The following SCAPER variants were observed in gnomAD, a reference collection of about 807,000 sequenced individuals.
The protein encoded by SCAPER is S phase cyclin A-associated protein in the endoplasmic reticulum.
SCAPER carries 98 observed loss-of-function variants against 182.2 expected under a neutral mutation model. That is an observed-to-expected ratio of 0.54 (90% CI 0.46 to 0.64). SCAPER has a LOEUF of 0.64. Ranked by LOEUF, SCAPER falls within the 30% of genes least tolerant of loss-of-function variation. The pLI is 0.00. For missense variants in SCAPER, 1,432 were observed against 1,690.0 expected, an observed-to-expected ratio of 0.85 and a Z score of 2.68; for synonymous variants, 605 against 564.6, an observed-to-expected ratio of 1.07 and a Z score of -1.01.
chr15:76,671,509 C>G (rs1411558955), intron 20 of SCAPER, among the ~76,000 whole-genome samples: 1 of 151,622 alleles, frequency 6.6e-6, no homozygotes, highest in African/African-American at 2.4e-5. Flanking sequence ...GTGGCTCATG[C>G]CTGTAATCCC....
intron 15 of SCAPER, among the ~76,000 whole-genome samples, chr15:76,753,096 C>T (rs1261814614): frequency 1.3e-5 from 2 of 151,620 alleles, no homozygotes; most frequent in African/African-American, 2.4e-5. Flanking sequence ...AGATGCTATA[C>T]ACCAATCCAC....
At chr15:76,517,443 G>C (rs914494521) in intron 23 of SCAPER, among the ~76,000 whole-genome samples, 4 of 150,834 alleles carry the variant, frequency 2.7e-5, no homozygotes, top group African/African-American at 9.8e-5. Context: ...TCTGCCTCCC[G>C]GGTTCAAGCC....
Position 76,427,719 on chromosome 15 carries a change from G to A in SCAPER, c.3311+6359C>T, listed in dbSNP as rs148326752. On this transcript the variant is annotated intron_variant, in intron 26 of 31. Coordinates refer to ENST00000563290, the MANE Select transcript of SCAPER (RefSeq NM_020843.4). ...AAAAATTAGCTGGTGGGTCACCTGAGGTCAGGAGTTCTAGACCAGCCTGGC... is the reference window on the plus strand; with the variant it reads ...AAAAATTAGCTGGTGGGTCACCTGAAGTCAGGAGTTCTAGACCAGCCTGGC... Among the ~76,000 whole-genome samples, 27 of 152,142 alleles carry A rather than the reference G, an allele frequency of 1.8e-4. No individual in the cohort carries two copies. In the East Asian group the frequency reaches 5.0e-3, roughly 28 times the overall value.
chr15:76,517,500 C>A (rs2042524296), intron 23 of SCAPER, among the ~76,000 whole-genome samples: 1 of 151,896 alleles, frequency 6.6e-6, no homozygotes, highest in South Asian at 2.1e-4. Context: ...CAGGCATGTG[C>A]CACTACACCC....
intron 24 of SCAPER, among the ~76,000 whole-genome samples, chr15:76,475,654 A>G (rs995342668): frequency 6.6e-6 from 1 of 152,140 alleles, no homozygotes; most frequent in African/African-American, 2.4e-5. Flanking sequence ...TCTTTCTTCA[A>G]ATAAAATCTT....
intron 20 of SCAPER, among the ~76,000 whole-genome samples, chr15:76,693,595 A>G (rs1488718915): frequency 6.6e-6 from 1 of 152,198 alleles, no homozygotes; most frequent in Non-Finnish European, 1.5e-5. Flanking sequence ...GTGTCTACCA[A>G]CAGATGAATG....
intron 21 of SCAPER, among the ~76,000 whole-genome samples, chr15:76,637,742 A>ATATATATATATATATG (rs1414519401): frequency 9.4e-6 from 1 of 105,844 alleles, no homozygotes; most frequent in African/African-American, 3.8e-5. Context: ...ATATATATAT[A>ATATATATATATATATG]TGTGTGTGTG....
At chr15:76,663,279 A>C (rs969911327) in intron 21 of SCAPER, among the ~76,000 whole-genome samples, 3 of 152,174 alleles carry the variant, frequency 2.0e-5, no homozygotes, top group Non-Finnish European at 2.9e-5. Context: ...AAAACTAGTA[A>C]TACCAAATAT....
In SCAPER at chr15:76,696,511, A is replaced by C. The variant is rs947572400; in HGVS notation, c.2508+5247T>G. Among the ~76,000 whole-genome samples the C allele has an allele frequency of 3.3e-5, 5 of 152,192 alleles. No individual in the cohort carries two copies. The East Asian group carries it at 7.7e-4, about 23-fold the overall frequency. On this transcript the variant is annotated intron_variant, in intron 20 of 31. Coordinates refer to ENST00000563290, the MANE Select transcript of SCAPER (RefSeq NM_020843.4). Reference sequence around the variant, plus strand: ...TTTTTCTATAAGTATACAAGGTAACAAACAGAGCTTGTACAATGTACATGC... The same window carrying C: ...TTTTTCTATAAGTATACAAGGTAACCAACAGAGCTTGTACAATGTACATGC...
At chr15:76,904,154 G>A (rs572167799) in intron 1 of SCAPER, among the ~76,000 whole-genome samples, 18 of 152,132 alleles carry the variant, frequency 1.2e-4, no homozygotes, top group African/African-American at 4.3e-4. Context: ...GCCAGAGTGG[G>A]ACAGTGGTCA....
chr15:76,527,282 G>T (rs1190718161), intron 23 of SCAPER, among the ~76,000 whole-genome samples: 1 of 152,188 alleles, frequency 6.6e-6, no homozygotes, highest in Non-Finnish European at 1.5e-5. Flanking sequence ...ATTTATGCAT[G>T]TTTGTAGTTT....
At chr15:76,423,994 A>G (rs1354729589) in intron 26 of SCAPER, among the ~76,000 whole-genome samples, 1 of 152,178 alleles carries the variant, frequency 6.6e-6, no homozygotes, top group Admixed American at 6.5e-5. Flanking sequence ...ACAGTTTGTT[A>G]TAATTTCTGT....
chr15:76,807,068 C>T (rs2066215762), intron 5 of SCAPER, among the ~76,000 whole-genome samples: 1 of 152,086 alleles, frequency 6.6e-6, no homozygotes, highest in African/African-American at 2.4e-5. Flanking sequence ...TGTCTAATTG[C>T]CCTGGCTAGA....
rs115873455 is a variant in SCAPER at position 76,492,184 on chromosome 15, A to G, written c.2954+12675T>C. ...AATATAATACTCTCTTCCTCTCCCC[A>G]AAGTGAAGAAATCATACTTCTCAGC... On this transcript the variant is annotated intron_variant, in intron 24 of 31. Transcript: ENST00000563290. Among the ~76,000 whole-genome samples, 1,473 of 152,294 alleles carry G rather than the reference A, an allele frequency of 9.7e-3. 24 individuals are homozygous for G. The highest frequency in any genetic ancestry group is 0.034 in the African/African-American group (1,426 of 41,552).
intron 21 of SCAPER, among the ~76,000 whole-genome samples, chr15:76,655,540 G>A (rs1422782735): frequency 1.3e-5 from 2 of 152,086 alleles, no homozygotes; most frequent in Non-Finnish European, 2.9e-5. Context: ...GAAACTCAGA[G>A]AACCCCTGTG....
At chr15:76,388,534 T>C (rs1398057023) in intron 27 of SCAPER, among the ~76,000 whole-genome samples, 1 of 152,156 alleles carries the variant, frequency 6.6e-6, no homozygotes, top group Non-Finnish European at 1.5e-5. Flanking sequence ...TTCTTCATCC[T>C]GGAAGAGGTG....
At chr15:76,541,448 G>A (rs1377636720) in intron 23 of SCAPER, among the ~76,000 whole-genome samples, 1 of 152,118 alleles carries the variant, frequency 6.6e-6, no homozygotes. Flanking sequence ...CGATGGTATA[G>A]TTTTGTTCTC....
At chr15:76,880,749 AAT>A (rs2073481228) in intron 2 of SCAPER, among the ~76,000 whole-genome samples, 2 of 152,234 alleles carry the variant, frequency 1.3e-5, no homozygotes, top group South Asian at 4.1e-4. Flanking sequence ...AAGATACTAA[AAT>A]ATATTACCTT....
chr15:76,794,714 A>C (rs2065211651), intron 8 of SCAPER, among the ~76,000 whole-genome samples: 1 of 152,188 alleles, frequency 6.6e-6, no homozygotes. Flanking sequence ...GGATGTATAA[A>C]AATCCACTTG....
Sources: gnomAD v4.1 joint callset for allele counts (sites outside exome capture counted in the v4.1 genomes callset) on GRCh38, gnomAD v4.1.1 for gene constraint, MANE v1.5 for transcripts, NCBI Gene and HGNC (gene_info 2026-07-23, HGNC 2026-07-21) for gene names.